The following RPL28 variants were observed in gnomAD, a reference collection of about 807,000 sequenced individuals.
The protein encoded by RPL28 is large ribosomal subunit protein eL28.
A neutral mutation model predicts 12.5 loss-of-function variants in RPL28; 4 were observed. That is an observed-to-expected ratio of 0.32 (90% CI 0.16 to 0.73). The LOEUF (loss-of-function observed/expected upper bound fraction) is 0.73, where lower values mean the gene tolerates loss of function less well. Among genes scored for constraint, RPL28 ranks in the 30% least tolerant of loss-of-function variants. The pLI, the probability that RPL28 is intolerant of heterozygous loss-of-function variation, is 0.66. For missense variants in RPL28, 214 were observed against 197.7 expected (o/e 1.08, Z -0.49); for synonymous variants, 91 against 72.5 (o/e 1.26, Z -1.30).
downstream of RPL28, among the ~76,000 whole-genome samples, chr19:55,393,630 T>TG (rs1329862156): frequency 7.7e-5 from 11 of 142,480 alleles, no homozygotes; most frequent in Non-Finnish European, 7.6e-5. Context: ...ATCACCAATT[T>TG]GTTTTTTTTT....
In RPL28 at chr19:55,386,868, C is replaced by T. The variant is rs749743736; in HGVS notation, c.205+175C>T. The T allele has an allele frequency of 1.3e-5, 20 of 1,548,486 alleles. No homozygotes were observed. The Admixed American group carries it at 1.4e-4, about 11-fold the overall frequency. On this transcript the variant is annotated intron_variant, in intron 3 of 4. Coordinates refer to ENST00000344063, the MANE Select transcript of RPL28 (RefSeq NM_000991.5). ...CGGCCGACTTGTCAGCTCTGTGAGC[C>T]GCGCGCGTCTGAGCCCGTGTCCTCA...
intron 4 of RPL28, chr19:55,401,779 A>C: frequency 1.9e-6 from 3 of 1,612,846 alleles, no homozygotes; most frequent in African/African-American, 1.3e-5. Context: ...GAAGAGGCTC[A>C]GGGTCACAGT....
downstream of RPL28, among the ~76,000 whole-genome samples, chr19:55,395,667 T>A (rs2090017729): frequency 1.4e-5 from 2 of 147,192 alleles, no homozygotes; most frequent in African/African-American, 2.5e-5. Flanking sequence ...ATGGTCTCAA[T>A]CTCCTGACCT....
chr19:55,399,149 G>C (rs1420966737), intron 4 of RPL28, among the ~76,000 whole-genome samples: 1 of 150,576 alleles, frequency 6.6e-6, no homozygotes, highest in Non-Finnish European at 1.5e-5. Flanking sequence ...ACCATGCCTG[G>C]CTAATTTTTT....
chr19:55,395,709 C>T (rs2090018384), downstream of RPL28, among the ~76,000 whole-genome samples: 1 of 152,016 alleles, frequency 6.6e-6, no homozygotes, highest in African/African-American at 2.4e-5. Context: ...TCCCAAAGTG[C>T]TGGGATTACA....
intron 4 of RPL28, among the ~76,000 whole-genome samples, chr19:55,402,344 T>C (rs987328962): frequency 5.3e-5 from 8 of 152,210 alleles, no homozygotes; most frequent in African/African-American, 1.9e-4. Context: ...TCTAGCTGGG[T>C]TGGACCACAC....
Position 55,388,594 on chromosome 19 carries a change from C to G in RPL28, c.*262C>G. ...AAGTTTGCTGACTTGTGATTGAGAC[C>G]TACTGTCCCATTGTGAGGTGGCCTG... On this transcript the variant is annotated 3_prime_UTR_variant, in exon 5 of 5. Coordinates refer to ENST00000344063, the MANE Select transcript of RPL28 (RefSeq NM_000991.5). 8.1e-7 allele frequency: 1 copy of G among 1,241,870 alleles called. No homozygotes were observed. Among genetic ancestry groups the G allele is most frequent in the African/African-American group, 1.5e-5 (1 of 64,544 alleles). The allele number at this position is 1,241,870 out of a possible 1,614,324, so 76.9% of individuals were successfully genotyped here. A position where few individuals can be genotyped will look rare whatever the true frequency, so the allele number is the denominator to read the frequency against.
In RPL28 at chr19:55,386,245, A is replaced by G. The variant is rs996892474; in HGVS notation, c.-8-105A>G. 7.6e-6 allele frequency: 8 copies of G among 1,057,716 alleles called. No homozygotes were observed. In the African/African-American group the frequency reaches 9.4e-5, roughly 12 times the overall value. 65.5% of individuals were successfully genotyped at this position (1,057,716 alleles called of 1,614,324 possible). On this transcript the variant is annotated intron_variant, in intron 1 of 4. Transcript: ENST00000344063. ...GCCCTCAGGGGTCTCCCATTCACCC[A>G]AGTTCCCAGTCGCTCTCTTCCTCTG... is the stretch of plus-strand genomic sequence containing the variant.
At position 55,390,187 on chromosome 19, in the gene RPL28, C is replaced by T. The variant is rs376684360; in HGVS notation, c.*1855C>T. The T allele has an allele frequency of 8.1e-6, 8 of 985,322 alleles. No individual in the cohort carries two copies. The highest frequency in any genetic ancestry group is 9.4e-5 in the South Asian group (2 of 21,300). The allele number at this position is 985,322 out of a possible 1,614,324, so 61.0% of individuals were successfully genotyped here. A position where few individuals can be genotyped will look rare whatever the true frequency, so the allele number is the denominator to read the frequency against. On this transcript the variant is annotated 3_prime_UTR_variant, in exon 5 of 5. Transcript: ENST00000344063. ...TGCATATTGAATGTATAAAGCCCAC[C>T]GGTCCTGAGAGTTTGCTCACTGGAG...
Position 55,391,826 on chromosome 19 carries a change from T to TAA in RPL28, c.*3494_*3495insAA. ...ATGTCTTCACATGCCTATGACTAAT[T>TAA]TGTACACAAACTAATGCTCGTGTTT... is the stretch of plus-strand genomic sequence containing the variant. On this transcript the variant is annotated 3_prime_UTR_variant, in exon 5 of 5. Transcript: ENST00000344063. The TAA allele has an allele frequency of 7.1e-7, 1 of 1,406,814 alleles. No homozygotes were observed. The highest frequency in any genetic ancestry group is 9.4e-7 in the Non-Finnish European group (1 of 1,067,524). The allele number at this position is 1,406,814 out of a possible 1,614,324, so 87.1% of individuals were successfully genotyped here. A position where few individuals can be genotyped will look rare whatever the true frequency, so the allele number is the denominator to read the frequency against.
At chr19:55,392,535 ATCT>A (rs770959457), downstream of RPL28, among the ~76,000 whole-genome samples, 2 of 140,344 alleles carry the variant, frequency 1.4e-5, no homozygotes, top group African/African-American at 5.6e-5. Context: ...ACCCAGCCTC[ATCT>A]TTTTTTTTTT....
chr19:55,389,237 C>A lies in RPL28; in HGVS notation c.*905C>A. ...GGTGGTGCACCGCCTGTGGTCCCAG[C>A]TCCTCAGAGGTTGAGTAGAGGCTGA... On this transcript the variant is annotated 3_prime_UTR_variant, in exon 5 of 5. Transcript: ENST00000344063. 1.1e-6 allele frequency: 1 copy of A among 920,358 alleles called. No homozygotes were observed. The highest frequency in any genetic ancestry group is 1.3e-6 in the Non-Finnish European group (1 of 770,660). 57.0% of individuals were successfully genotyped at this position (920,358 alleles called of 1,614,324 possible). A position where few individuals can be genotyped will look rare whatever the true frequency, so the allele number is the denominator to read the frequency against.
At chr19:55,387,753 C>T (rs1013051201) in intron 3 of RPL28, 177 bp from the exon 4 acceptor site, 162 of 1,451,760 alleles carry the variant, frequency 1.1e-4, no homozygotes, top group Admixed American at 7.8e-4. Context: ...TCCGTGATGA[C>T]GAGTGAGCCT....
chr19:55,402,180 G>A (rs2090064575), intron 4 of RPL28, among the ~76,000 whole-genome samples: 1 of 152,226 alleles, frequency 6.6e-6, no homozygotes, highest in Admixed American at 6.5e-5. Flanking sequence ...AGTGAGGCCT[G>A]CAGCCTGGAC....
chr19:55,386,430 T>C lies in RPL28; in HGVS notation c.73T>C (p.Tyr25His). 1 of 1,614,078 alleles carries C rather than the reference T, an allele frequency of 6.2e-7. No individual in the cohort carries two copies. Among genetic ancestry groups the C allele is most frequent in the Non-Finnish European group, 8.5e-7 (1 of 1,179,942 alleles). The change falls in exon 2 of 5, where the codon TAC becomes CAC. Residue 25 changes from tyrosine (Y) to histidine (H), a missense_variant. Coordinates refer to ENST00000344063, the MANE Select transcript of RPL28 (RefSeq NM_000991.5). Reference protein sequence around the residue: ...SFLIKRNKQTYSTEPNNLKAR... With the variant: ...SFLIKRNKQTHSTEPNNLKAR... ...CCTGATCAAGAGGAATAAGCAGACC[T>C]ACAGCACTGTAAGTGGGGCCCGGAT... is the stretch of plus-strand genomic sequence containing the variant.
At chr19:55,399,037 G>A (rs937316281) in intron 4 of RPL28, among the ~76,000 whole-genome samples, 19 of 152,156 alleles carry the variant, frequency 1.2e-4, no homozygotes, top group Admixed American at 1.2e-3. Flanking sequence ...ACCCAGGCTG[G>A]AGTGCAGTGG....
At chr19:55,397,110 G>A (rs1266993795) in intron 4 of RPL28, among the ~76,000 whole-genome samples, 1 of 152,094 alleles carries the variant, frequency 6.6e-6, no homozygotes, top group Non-Finnish European at 1.5e-5. Flanking sequence ...GAACTTGTGA[G>A]CTCAAGCCAT....
intron 1 of RPL28, 35 bp downstream of exon 1, chr19:55,386,000 C>G (rs1162941501): frequency 7.3e-6 from 2 of 272,656 alleles, no homozygotes; most frequent in Non-Finnish European, 1.5e-5. Flanking sequence ...GTCGCCATCT[C>G]CGGCCCGCCG....
intron 1 of RPL28, 137 bp from the exon 2 acceptor site, chr19:55,386,213 G>T: frequency 1.3e-6 from 1 of 747,842 alleles, no homozygotes; most frequent in Non-Finnish European, 2.2e-6. Flanking sequence ...GTTCTAGGTC[G>T]CTGTCTGCCC....
Sources: gnomAD v4.1 joint callset for allele counts (sites outside exome capture counted in the v4.1 genomes callset) on GRCh38, gnomAD v4.1.1 for gene constraint, MANE v1.5 for transcripts, NCBI Gene and HGNC (gene_info 2026-07-23, HGNC 2026-07-21) for gene names.